The following CDH4 variants were observed in gnomAD, a reference collection of about 807,000 sequenced individuals.
CDH4 encodes the protein cadherin 4, also known as cadherin-4.
CDH4 carries 33 observed loss-of-function variants against 86.0 expected under a neutral mutation model. That is an observed-to-expected ratio of 0.38 (90% CI 0.29 to 0.51). The LOEUF is 0.51. Ranked by LOEUF, CDH4 falls within the 20% of genes least tolerant of loss-of-function variation. The pLI is 0.86. For synonymous variants in CDH4, 555 were observed against 549.4 expected (o/e 1.01, Z -0.14); for missense variants, 1,114 against 1,307.4 (o/e 0.85, Z 2.28).
chr20:61,489,508 C>A (rs574970426), intron 2 of CDH4, among the ~76,000 whole-genome samples: 4 of 152,186 alleles, frequency 2.6e-5, no homozygotes, highest in South Asian at 2.1e-4. Context: ...ACCTAATAGT[C>A]GTGATAAAGT....
intron 2 of CDH4, among the ~76,000 whole-genome samples, chr20:61,572,680 C>T (rs2086350287): frequency 6.6e-6 from 1 of 152,240 alleles, no homozygotes; most frequent in Non-Finnish European, 1.5e-5. Flanking sequence ...TCCATATTTC[C>T]ACCATCTGGA....
intron 15 of CDH4, among the ~76,000 whole-genome samples, chr20:61,934,494 G>A (rs903833907): frequency 2.0e-5 from 3 of 152,226 alleles, no homozygotes; most frequent in South Asian, 2.1e-4. Context: ...CAGGGGCTTC[G>A]TAAGAATTCG....
At chr20:61,548,490 C>T (rs144910224) in intron 2 of CDH4, among the ~76,000 whole-genome samples, 2 of 152,090 alleles carry the variant, frequency 1.3e-5, no homozygotes, top group Non-Finnish European at 2.9e-5. Context: ...CCCATTACAG[C>T]CCTCGAATAT....
rs182093380 is a variant in CDH4 at position 61,812,066 on chromosome 20, G to A, written c.577-32602G>A. On this transcript the variant is annotated intron_variant, in intron 4 of 15. Transcript: ENST00000614565. ...CCTTCGTCTTTCCTGTTTCTCCCCC[G>A]CTGCGGGGGACACAGCACTCTCACC... Among the ~76,000 whole-genome samples, 158 of 152,044 alleles carry A rather than the reference G, an allele frequency of 1.0e-3. No homozygotes were observed. In the East Asian group the frequency reaches 0.027, roughly 26 times the overall value.
intron 2 of CDH4, among the ~76,000 whole-genome samples, chr20:61,659,041 A>G (rs1236347897): frequency 6.6e-6 from 1 of 152,212 alleles, no homozygotes; most frequent in Non-Finnish European, 1.5e-5. Context: ...AATCAACCTC[A>G]TACTCCAATA....
chr20:61,361,341 A>T (rs28437233), intron 2 of CDH4, among the ~76,000 whole-genome samples: 34,220 of 151,992 alleles, frequency 0.23, 4,348 homozygotes, highest in East Asian at 0.34. Flanking sequence ...CTTAGCTTTC[A>T]TGATCACATG....
chr20:61,273,653 G>A (rs2084201226), intron 2 of CDH4, among the ~76,000 whole-genome samples: 2 of 140,088 alleles, frequency 1.4e-5, no homozygotes, highest in East Asian at 2.3e-4. Flanking sequence ...GGGGAGTACT[G>A]TGTGCAGTTT....
chr20:61,528,267 C>T (rs1028193259), intron 2 of CDH4, among the ~76,000 whole-genome samples: 4 of 151,344 alleles, frequency 2.6e-5, no homozygotes, highest in Non-Finnish European at 4.4e-5. Flanking sequence ...ATCCCAGCTA[C>T]TCAGTAGGCT....
chr20:61,877,386 C>T lies in CDH4; in HGVS notation c.1050+3486C>T, dbSNP rs546484514. On this transcript the variant is annotated intron_variant, in intron 7 of 15. Coordinates refer to ENST00000614565, the MANE Select transcript of CDH4 (RefSeq NM_001794.5). ...CCCCCCACCCCCCACCCCCCGCTGT[C>T]GGCAGCTTCAGCGTGGCCTGCAAAA... Among the ~76,000 whole-genome samples the T allele has an allele frequency of 6.7e-5, 9 of 133,804 alleles. No individual in the cohort carries two copies. The South Asian group carries it at 8.3e-4, about 12-fold the overall frequency. The allele number at this position is 133,804 out of a possible 152,430, so 87.8% of individuals were successfully genotyped here.
At chr20:61,911,477 T>A (rs2054850113) in intron 9 of CDH4, among the ~76,000 whole-genome samples, 1 of 152,218 alleles carries the variant, frequency 6.6e-6, no homozygotes, top group Admixed American at 6.5e-5. Context: ...TTAGCAGCTA[T>A]TGTCCCAAAA....
chr20:61,318,776 C>T (rs927395957), intron 2 of CDH4, among the ~76,000 whole-genome samples: 3 of 152,210 alleles, frequency 2.0e-5, no homozygotes, highest in African/African-American at 4.8e-5. Context: ...GAGAGTAATC[C>T]CTGGATATGC....
intron 2 of CDH4, among the ~76,000 whole-genome samples, chr20:61,585,856 TG>T (rs1260728035): frequency 1.3e-5 from 2 of 148,862 alleles, no homozygotes; most frequent in African/African-American, 5.0e-5. Flanking sequence ...GGGAGGATAA[TG>T]GTGATGAAGA....
At chr20:61,329,610 A>T (rs911103372) in intron 2 of CDH4, among the ~76,000 whole-genome samples, 5 of 151,226 alleles carry the variant, frequency 3.3e-5, no homozygotes, top group Non-Finnish European at 1.5e-5. Flanking sequence ...CAGAAAGCTG[A>T]GTGAGCCTGT....
At chr20:61,736,176 A>G (rs1391273878) in intron 2 of CDH4, among the ~76,000 whole-genome samples, 1 of 152,132 alleles carries the variant, frequency 6.6e-6, no homozygotes, top group Admixed American at 6.5e-5. Context: ...GGTGTAGGTT[A>G]TCTCGCTGGC....
At chr20:61,580,855 A>G (rs893652909) in intron 2 of CDH4, among the ~76,000 whole-genome samples, 34 of 152,304 alleles carry the variant, frequency 2.2e-4, no homozygotes, top group African/African-American at 7.5e-4. Context: ...CACTAGGACC[A>G]TGACTCCTCC....
In CDH4 at chr20:61,392,222, G is replaced by A. The variant is rs2084990446; in HGVS notation, c.169+137285G>A. 6.6e-6 allele frequency among the ~76,000 whole-genome samples: 1 copy of A among 151,776 alleles called. No individual in the cohort carries two copies. The highest frequency in any genetic ancestry group is 2.1e-4 in the South Asian group (1 of 4,756). On this transcript the variant is annotated intron_variant, in intron 2 of 15. Coordinates refer to ENST00000614565, the MANE Select transcript of CDH4 (RefSeq NM_001794.5). The surrounding 1 kb of genome is among the most constrained non-coding windows in gnomAD (Gnocchi z 5.7). ...CGTGCAGTGTGAGTGGCCTTAACAC[G>A]GGACCCGGACATGCTGCCTCTGGGC...
At chr20:61,275,165 G>A (rs1686531510) in intron 2 of CDH4, among the ~76,000 whole-genome samples, 1 of 135,686 alleles carries the variant, frequency 7.4e-6, no homozygotes, top group South Asian at 2.6e-4. Context: ...GGAGTACCAT[G>A]CATAGTTTGG....
chr20:61,420,755 G>T (rs2085173108), intron 2 of CDH4, among the ~76,000 whole-genome samples: 1 of 152,242 alleles, frequency 6.6e-6, no homozygotes, highest in South Asian at 2.1e-4. Context: ...GTCCCACAGG[G>T]GAATAAGGTC....
intron 2 of CDH4, among the ~76,000 whole-genome samples, chr20:61,534,404 CTA>C (rs1194662229): frequency 1.3e-5 from 2 of 152,166 alleles, no homozygotes; most frequent in African/African-American, 2.4e-5. Flanking sequence ...GTTTCCATGA[CTA>C]TGCAACTCGT....
Sources: gnomAD v4.1 joint callset for allele counts (sites outside exome capture counted in the v4.1 genomes callset) on GRCh38, gnomAD v4.1.1 for gene constraint, Gnocchi (gnomAD v3.1) non-coding constraint, MANE v1.5 for transcripts, NCBI Gene and HGNC (gene_info 2026-07-23, HGNC 2026-07-21) for gene names.